AAMDC: variants seen among roughly 807,000 people sequenced by gnomAD.
The protein encoded by AAMDC is mth938 domain-containing protein.
A neutral mutation model predicts 15.5 loss-of-function variants in AAMDC; 16 were observed. The observed-to-expected ratio is 1.03, with a 90% CI of 0.70 to 1.57. The LOEUF is 1.57. AAMDC is among the 40% of genes most tolerant of loss of function. The pLI is 0.00. For missense variants in AAMDC, 141 were observed against 144.9 expected (o/e 0.97, Z 0.14); for synonymous variants, 51 against 51.6 (o/e 0.99, Z 0.05).
intron 5 of AAMDC, among the ~76,000 whole-genome samples, chr11:77,880,944 C>T (rs929939136): frequency 2.6e-5 from 4 of 151,574 alleles, no homozygotes; most frequent in Non-Finnish European, 4.4e-5. Flanking sequence ...AACAAACAAA[C>T]AAAAAAACAA....
chr11:77,833,027 T>C (rs1949523695), intron 1 of AAMDC, among the ~76,000 whole-genome samples: 1 of 141,448 alleles, frequency 7.1e-6, no homozygotes, highest in South Asian at 2.2e-4. Flanking sequence ...TTTTTTTTTT[T>C]TTGAGACAGG....
At chr11:77,880,295 TTCTC>T (rs1191180919) in intron 5 of AAMDC, among the ~76,000 whole-genome samples, 2 of 152,188 alleles carry the variant, frequency 1.3e-5, no homozygotes, top group Non-Finnish European at 2.9e-5. Context: ...ACATCCAAGC[TTCTC>T]TCTATGGGTC....
At chr11:77,833,201 GGT>G (rs1329670400) in intron 1 of AAMDC, among the ~76,000 whole-genome samples, 7 of 151,020 alleles carry the variant, frequency 4.6e-5, no homozygotes, top group African/African-American at 1.5e-4. Flanking sequence ...GTAGAGATGG[GGT>G]TTTCGCCATG....
intron 5 of AAMDC, among the ~76,000 whole-genome samples, chr11:77,887,257 G>C (rs546733694): frequency 6.6e-6 from 1 of 152,152 alleles, no homozygotes; most frequent in Non-Finnish European, 1.5e-5. Context: ...GGGATGCAAG[G>C]CTGGTTCAAC....
chr11:77,880,673 G>C (rs986666234), intron 5 of AAMDC, among the ~76,000 whole-genome samples: 3 of 152,144 alleles, frequency 2.0e-5, no homozygotes, highest in African/African-American at 7.2e-5. Flanking sequence ...GCCAAATCCT[G>C]GTAAGAGCTG....
intron 1 of AAMDC, among the ~76,000 whole-genome samples, chr11:77,821,817 A>ACACGTTATGCTTAGAAGCCTGAG (rs1250564742): frequency 6.6e-6 from 1 of 152,200 alleles, no homozygotes; most frequent in Non-Finnish European, 1.5e-5. Context: ...AAGCAGCAGT[A>ACACGTTATGCTTAGAAGCCTGAG]CACGTTATGC....
chr11:77,872,186 A>C lies in AAMDC; in HGVS notation c.240A>C (p.Ser80=), dbSNP rs768012112. Residue 80 remains serine, a synonymous_variant, in exon 4 of 4, where the codon TCA becomes TCC. Transcript: ENST00000393427. ...TTCCACCTTCCCAGGTGCCTTCATCAACTGTGGAGTACCTCAAGAAACATG... is the reference window on the plus strand; with the variant it reads ...TTCCACCTTCCCAGGTGCCTTCATCCACTGTGGAGTACCTCAAGAAACATG... ...GMSEALKVPS[S]TVEYLKKHGI... The C allele has an allele frequency of 1.6e-5, 25 of 1,612,870 alleles. No individual in the cohort carries two copies. The highest frequency in any genetic ancestry group is 2.0e-5 in the Non-Finnish European group (24 of 1,179,596).
At chr11:77,889,112 A>G (rs1183109286) in intron 5 of AAMDC, among the ~76,000 whole-genome samples, 4 of 152,222 alleles carry the variant, frequency 2.6e-5, no homozygotes, top group Non-Finnish European at 5.9e-5. Flanking sequence ...GCTGCTATAA[A>G]GACACATGCA....
chr11:77,882,747 A>G (rs939969454), intron 5 of AAMDC, among the ~76,000 whole-genome samples: 2 of 152,120 alleles, frequency 1.3e-5, no homozygotes, highest in Admixed American at 6.5e-5. Flanking sequence ...TAAAGTCATC[A>G]TTACCCATCT....
downstream of AAMDC, chr11:77,876,878 C>A: frequency 1.5e-6 from 1 of 670,964 alleles, no homozygotes; most frequent in Non-Finnish European, 2.7e-6. Flanking sequence ...ATATTCTTCC[C>A]TTAGAAGGTT....
At chr11:77,843,106 G>A (rs1950002103) in intron 2 of AAMDC, among the ~76,000 whole-genome samples, 1 of 152,166 alleles carries the variant, frequency 6.6e-6, no homozygotes, top group Non-Finnish European at 1.5e-5. Context: ...TATCTTCCAA[G>A]GCACCTGCAC....
In AAMDC at chr11:77,900,376, G is replaced by A. The variant is rs182175801; in HGVS notation, c.329-195G>A. ...GGCCTCCCAAAGTGCTGGGATTACA[G>A]GTGTGAGCCACCACACCCGGCCACA... On this transcript the variant is annotated intron_variant, in intron 5 of 5. Transcript: ENST00000304716. Among the ~76,000 whole-genome samples, 15 of 152,250 alleles carry A rather than the reference G, an allele frequency of 9.9e-5. 1 individual carries two copies. In the East Asian group the frequency reaches 2.1e-3, roughly 22 times the overall value.
intron 1 of AAMDC, 41 bp from the exon 2 acceptor site, chr11:77,842,438 T>C: frequency 6.3e-7 from 1 of 1,579,592 alleles, no homozygotes; most frequent in Non-Finnish European, 8.6e-7. Flanking sequence ...GTTTCAGCCT[T>C]ACTTTATAAC....
intron 2 of AAMDC, among the ~76,000 whole-genome samples, chr11:77,867,790 A>T (rs866374813): frequency 1.3e-5 from 2 of 152,196 alleles, no homozygotes; most frequent in African/African-American, 4.8e-5. Flanking sequence ...TTTGTTAAAC[A>T]CATCACCTTA....
intron 1 of AAMDC, among the ~76,000 whole-genome samples, chr11:77,838,244 C>T (rs1343691092): frequency 1.4e-5 from 2 of 140,934 alleles, no homozygotes; most frequent in Admixed American, 7.2e-5. Flanking sequence ...TATGTGTCAA[C>T]GTGGTAAGGT....
At chr11:77,849,365 G>C (rs1257526976) in intron 2 of AAMDC, among the ~76,000 whole-genome samples, 1 of 152,104 alleles carries the variant, frequency 6.6e-6, no homozygotes, top group African/African-American at 2.4e-5. Flanking sequence ...GGGATTACTG[G>C]TGTGTGTGAC....
intron 1 of AAMDC, among the ~76,000 whole-genome samples, chr11:77,840,840 G>A (rs377349375): frequency 1.1e-4 from 16 of 152,122 alleles, no homozygotes; most frequent in East Asian, 3.9e-4. Flanking sequence ...CCAGCCTGGC[G>A]AAACAACTTT....
intron 2 of AAMDC, among the ~76,000 whole-genome samples, chr11:77,859,513 A>G (rs1950785288): frequency 6.6e-6 from 1 of 152,172 alleles, no homozygotes; most frequent in Non-Finnish European, 1.5e-5. Flanking sequence ...GAGTCTGTAT[A>G]TATATTTACC....
chr11:77,847,878 C>A (rs1322645321), intron 2 of AAMDC, among the ~76,000 whole-genome samples: 1 of 152,022 alleles, frequency 6.6e-6, no homozygotes, highest in Non-Finnish European at 1.5e-5. Context: ...TCCTAAAAAC[C>A]CCGGGAGCTG....
Sources: allele counts gnomAD v4.1 joint callset (sites outside exome capture counted in the v4.1 genomes callset), GRCh38; gene constraint gnomAD v4.1.1; transcripts MANE v1.5; gene names NCBI Gene and HGNC (gene_info 2026-07-23, HGNC 2026-07-21).